The following PCDH19 variants were observed in gnomAD, a reference collection of about 807,000 sequenced individuals.
PCDH19 encodes the protein protocadherin 19, also known as protocadherin-19.
A neutral mutation model predicts 46.2 loss-of-function variants in PCDH19; 6 were observed. The observed-to-expected ratio is 0.13, with a 90% CI of 0.07 to 0.26. The LOEUF is 0.26. Among genes scored for constraint, PCDH19 ranks in the 10% least tolerant of loss-of-function variants. The probability of loss-of-function intolerance (pLI) is 1.00; values close to 1 mark genes in which losing one functional copy is unlikely to be tolerated. For missense variants in PCDH19, 740 were observed against 972.3 expected, an observed-to-expected ratio of 0.76 and a Z score of 3.18; for synonymous variants, 481 against 415.7, an observed-to-expected ratio of 1.16 and a Z score of -1.91.
chrX:100,351,725 A>C (rs1040966306), intron 3 of PCDH19, among the ~76,000 whole-genome samples: 2 of 112,386 alleles, frequency 1.8e-5, no homozygotes, highest in African/African-American at 3.2e-5. Flanking sequence ...GAGTGTTTGG[A>C]AAAGGAAACA....
chrX:100,348,851 C>A (rs1357829727), intron 4 of PCDH19, among the ~76,000 whole-genome samples: 1 of 110,376 alleles, frequency 9.1e-6, no homozygotes, highest in Admixed American at 9.7e-5. Context: ...TGCAAGGGTC[C>A]CTGGGAGTCT....
intron 3 of PCDH19, among the ~76,000 whole-genome samples, chrX:100,377,123 T>C (rs1185242037): frequency 2.7e-5 from 3 of 112,449 alleles, no homozygotes; most frequent in Non-Finnish European, 5.6e-5. Context: ...TTTATGTCTC[T>C]TAGAATTATA....
intron 5 of PCDH19, among the ~76,000 whole-genome samples, chrX:100,304,038 G>A (rs986387564): frequency 4.5e-5 from 5 of 112,241 alleles, no homozygotes; most frequent in Non-Finnish European, 9.4e-5. Context: ...AAAATAAGAT[G>A]ATCCAGCATC....
chrX:100,396,683 T>C (rs773159581), intron 3 of PCDH19, among the ~76,000 whole-genome samples: 1 of 112,138 alleles, frequency 8.9e-6, no homozygotes, highest in South Asian at 3.8e-4. Flanking sequence ...TCTGTGGCAG[T>C]TGCATGGAGA....
intron 3 of PCDH19, 73 bp downstream of exon 3, chrX:100,402,451 G>A (rs1928210696): frequency 2.2e-6 from 2 of 913,045 alleles, no homozygotes; most frequent in South Asian, 2.0e-5. Context: ...CAGCACAGCA[G>A]CTTATGGTAT....
chrX:100,400,710 A>G (rs762310880), intron 3 of PCDH19, among the ~76,000 whole-genome samples: 3 of 112,429 alleles, frequency 2.7e-5, no homozygotes, highest in Non-Finnish European at 5.6e-5. Context: ...GCAGAATACC[A>G]TCAGTTACTC....
chrX:100,382,284 A>G (rs1188586718), intron 3 of PCDH19, among the ~76,000 whole-genome samples: 1 of 110,861 alleles, frequency 9.0e-6, no homozygotes, highest in African/African-American at 3.3e-5. Flanking sequence ...TTGTTCCACA[A>G]GTTGCCAAAG....
chrX:100,378,924 G>A (rs760768399), intron 3 of PCDH19, among the ~76,000 whole-genome samples: 2 of 111,598 alleles, frequency 1.8e-5, no homozygotes, highest in South Asian at 3.8e-4. Flanking sequence ...TGCCTCTCAC[G>A]TACCATTCAC....
rs961820137 is a variant in PCDH19 at position 100,291,653 on chromosome X, C to A, written c.*4624G>T. ...TCCACCAAACACTCAATACTTTTTCCATAATAGCCTTTAATACTAAAATGC... is the reference window on the plus strand; with the variant it reads ...TCCACCAAACACTCAATACTTTTTCAATAATAGCCTTTAATACTAAAATGC... On this transcript the variant is annotated 3_prime_UTR_variant, in exon 6 of 6. Transcript: ENST00000373034. The A allele has an allele frequency of 1.8e-5, 2 of 112,541 alleles. No individual in the cohort carries two copies. The highest frequency in any genetic ancestry group is 3.8e-5 in the Non-Finnish European group (2 of 53,250). The allele number at this position is 112,541 out of a possible 1,213,427, so 9.3% of individuals were successfully genotyped here.
intron 3 of PCDH19, among the ~76,000 whole-genome samples, chrX:100,370,038 A>C (rs2147507670): frequency 9.0e-6 from 1 of 111,625 alleles, no homozygotes; most frequent in Non-Finnish European, 1.9e-5. Flanking sequence ...TGGAACTTCC[A>C]AAACGACCAC....
At chrX:100,367,407 C>T (rs1201744926) in intron 3 of PCDH19, among the ~76,000 whole-genome samples, 1 of 111,875 alleles carries the variant, frequency 8.9e-6, no homozygotes, top group African/African-American at 3.3e-5. Context: ...AACAAAATAC[C>T]TGAGACTAGG....
intron 5 of PCDH19, among the ~76,000 whole-genome samples, chrX:100,300,536 C>T (rs750770707): frequency 8.9e-6 from 1 of 111,907 alleles, no homozygotes; most frequent in Non-Finnish European, 1.9e-5. Context: ...CTGACCTGAA[C>T]CTAGGCAAAG....
At chrX:100,346,476 G>T (rs370340759) in intron 4 of PCDH19, among the ~76,000 whole-genome samples, 19 of 111,778 alleles carry the variant, frequency 1.7e-4, no homozygotes, top group Admixed American at 1.2e-3. Flanking sequence ...GTTCTCTAGG[G>T]ATGGAGCTAG....
intron 5 of PCDH19, among the ~76,000 whole-genome samples, chrX:100,324,160 G>A: frequency 8.9e-6 from 1 of 111,823 alleles, no homozygotes; most frequent in South Asian, 3.8e-4. Context: ...TAGGAAAGGA[G>A]GAACGATCAG....
chrX:100,326,407 A>C (rs866615868), intron 5 of PCDH19, among the ~76,000 whole-genome samples: 1 of 112,247 alleles, frequency 8.9e-6, no homozygotes, highest in Non-Finnish European at 1.9e-5. Flanking sequence ...AAATAAACTA[A>C]AAATGAAAAA....
At chrX:100,374,179 C>T (rs2147511056) in intron 3 of PCDH19, among the ~76,000 whole-genome samples, 1 of 112,676 alleles carries the variant, frequency 8.9e-6, no homozygotes, top group Admixed American at 9.3e-5. Context: ...TTATTAATTA[C>T]CCTAATTAAC....
intron 5 of PCDH19, among the ~76,000 whole-genome samples, chrX:100,297,712 T>C (rs1286202784): frequency 8.9e-6 from 1 of 111,870 alleles, no homozygotes; most frequent in Non-Finnish European, 1.9e-5. Context: ...TTCATAATTA[T>C]TGGGCAGACA....
At chrX:100,393,394 A>G (rs1927918058) in intron 3 of PCDH19, among the ~76,000 whole-genome samples, 1 of 110,275 alleles carries the variant, frequency 9.1e-6, no homozygotes, top group African/African-American at 3.3e-5. Context: ...ACAGAGGCAA[A>G]AAAAGTGAGT....
chrX:100,307,266 A>G (rs1924978039), intron 5 of PCDH19, among the ~76,000 whole-genome samples: 1 of 112,143 alleles, frequency 8.9e-6, no homozygotes, highest in Non-Finnish European at 1.9e-5. Context: ...AATAAATGTG[A>G]CACATCACAC....
Sources: allele counts gnomAD v4.1 joint callset (sites outside exome capture counted in the v4.1 genomes callset), GRCh38; gene constraint gnomAD v4.1.1; transcripts MANE v1.5; gene names NCBI Gene and HGNC (gene_info 2026-07-23, HGNC 2026-07-21).